MTHFD1: variants seen among roughly 807,000 people sequenced by gnomAD.
MTHFD1 encodes the protein methylenetetrahydrofolate dehydrogenase, cyclohydrolase and formyltetrahydrofolate synthetase 1, also known as C-1-tetrahydrofolate synthase, cytoplasmic.
In MTHFD1, 44 loss-of-function variants were observed where a neutral mutation model predicts 110.3. That is an observed-to-expected ratio of 0.40 (90% CI 0.31 to 0.51). MTHFD1 has a LOEUF of 0.51. Among genes scored for constraint, MTHFD1 ranks in the 20% least tolerant of loss-of-function variants. The pLI is 0.60. For missense variants in MTHFD1, 909 were observed against 1,173.1 expected (o/e 0.77, Z 3.29); for synonymous variants, 402 against 428.8 (o/e 0.94, Z 0.77).
intron 13 of MTHFD1, among the ~76,000 whole-genome samples, 157 bp from the exon 14 acceptor site, chr14:64,431,375 T>G (rs2078158769): frequency 6.6e-6 from 1 of 152,182 alleles, no homozygotes; most frequent in South Asian, 2.1e-4. Flanking sequence ...CAGTCATTTA[T>G]GTTTTCAAGA....
intron 17 of MTHFD1, 78 bp from the exon 18 acceptor site, chr14:64,440,047 TA>T (rs2078235995): frequency 7.4e-7 from 1 of 1,350,502 alleles, no homozygotes; most frequent in East Asian, 2.3e-5. Context: ...GCCTCAGATG[TA>T]AAAGAGGATC....
intron 8 of MTHFD1, among the ~76,000 whole-genome samples, chr14:64,424,446 C>G (rs1423937918): frequency 6.6e-6 from 1 of 152,058 alleles, no homozygotes. Context: ...TTTGTGCACC[C>G]AAAAAATTTC....
At chr14:64,446,789 G>T (rs1057371931) in intron 22 of MTHFD1, among the ~76,000 whole-genome samples, 1 of 152,066 alleles carries the variant, frequency 6.6e-6, no homozygotes, top group Non-Finnish European at 1.5e-5. Flanking sequence ...TGTTCCACCC[G>T]CCTCGGCCTC....
At chr14:64,448,465 T>C (rs934500307) in intron 23 of MTHFD1, 148 bp downstream of exon 23, 25 of 710,730 alleles carry the variant, frequency 3.5e-5, no homozygotes, top group Admixed American at 3.3e-4. Flanking sequence ...AGGCATTGCA[T>C]ACGTCACTGC....
intron 9 of MTHFD1, 125 bp from the exon 10 acceptor site, chr14:64,425,605 C>T: frequency 1.2e-6 from 1 of 823,594 alleles, no homozygotes; most frequent in South Asian, 1.4e-5. Context: ...AGGATTGAAG[C>T]ATGGTAATAA....
intron 2 of MTHFD1, among the ~76,000 whole-genome samples, chr14:64,403,280 A>AT (rs34619335): frequency 0.9 from 134,146 of 148,434 alleles, 60,816 homozygotes; most frequent in Middle Eastern, 0.96. Context: ...CACCCTGCTA[A>AT]TTTTTTTTTT....
chr14:64,415,298 G>A, intron 4 of MTHFD1, 60 bp from the exon 5 acceptor site: 1 of 1,498,738 alleles, frequency 6.7e-7, no homozygotes, highest in Non-Finnish European at 9.3e-7. Context: ...CTTAGAAAGT[G>A]TTTCTTCCTA....
At chr14:64,394,843 T>G (rs1201743154) in intron 1 of MTHFD1, among the ~76,000 whole-genome samples, 1 of 152,198 alleles carries the variant, frequency 6.6e-6, no homozygotes, top group Non-Finnish European at 1.5e-5. Context: ...GAGGCTTTTC[T>G]CATTACAAGC....
At chr14:64,458,434 C>G in intron 27 of MTHFD1, 127 bp downstream of exon 27, 1 of 747,606 alleles carries the variant, frequency 1.3e-6, no homozygotes, top group African/African-American at 1.7e-5. Context: ...TTCAGACTTC[C>G]CTGAGGGGAG....
chr14:64,445,066 A>G (rs1396932992), intron 22 of MTHFD1: 3 of 379,236 alleles, frequency 7.9e-6, no homozygotes, highest in South Asian at 2.2e-5. Context: ...TGCTACTGGA[A>G]TCTAGTGGGT....
At chr14:64,396,785 TA>T (rs1292179527) in intron 1 of MTHFD1, among the ~76,000 whole-genome samples, 1 of 151,378 alleles carries the variant, frequency 6.6e-6, no homozygotes, top group Non-Finnish European at 1.5e-5. Context: ...ACATATTAAA[TA>T]AAACATTTGT....
chr14:64,444,775 C>T, intron 22 of MTHFD1, 41 bp downstream of exon 22: 1 of 1,603,080 alleles, frequency 6.2e-7, no homozygotes, highest in African/African-American at 1.3e-5. Flanking sequence ...TAGAAAGCAC[C>T]ACACCTTGAA....
intron 27 of MTHFD1, among the ~76,000 whole-genome samples, chr14:64,458,968 C>T (rs1439431684): frequency 6.6e-6 from 1 of 152,146 alleles, no homozygotes; most frequent in African/African-American, 2.4e-5. Context: ...ACATGAAAAT[C>T]CTAACATCTT....
chr14:64,459,163 G>C (rs1021029392), intron 27 of MTHFD1, among the ~76,000 whole-genome samples: 1 of 152,150 alleles, frequency 6.6e-6, no homozygotes, highest in Admixed American at 6.6e-5. Context: ...ACGTGCAAGG[G>C]TTTGCCACCC....
At chr14:64,455,086 G>T in intron 26 of MTHFD1, 1 of 586,378 alleles carries the variant, frequency 1.7e-6, no homozygotes, top group Non-Finnish European at 3.1e-6. Context: ...AATCAAGAAT[G>T]ATGCCAGGAC....
Position 64,449,536 on chromosome 14 carries a change from G to A in MTHFD1, c.2371G>A (p.Gly791Arg), listed in dbSNP as rs757007334. ...DAVKCTHWAE[G>R]GKGALALAQA... is the part of the protein sequence containing the mutation. Reference sequence around the variant, plus strand: ...CGTGAAGTGCACTCACTGGGCAGAAGGGGGCAAGGGTGCCTTAGCCCTGGC... The same window carrying A: ...CGTGAAGTGCACTCACTGGGCAGAAAGGGGCAAGGGTGCCTTAGCCCTGGC... The change falls in exon 24 of 28, where the codon GGG (glycine) becomes AGG (arginine). Residue 791 changes from glycine (G) to arginine (R), a missense_variant. Around this residue, in one of 3 missense-constraint regions of MTHFD1, gnomAD observed 482 missense variants for 646.0 expected, o/e 0.75. Coordinates refer to ENST00000652337, the MANE Select transcript of MTHFD1 (RefSeq NM_005956.4). The A allele has an allele frequency of 6.2e-7, 1 of 1,614,182 alleles. No individual in the cohort carries two copies. Among genetic ancestry groups the A allele is most frequent in the Non-Finnish European group, 8.5e-7 (1 of 1,180,004 alleles).
intron 2 of MTHFD1, among the ~76,000 whole-genome samples, chr14:64,402,746 C>T (rs1445853270): frequency 6.6e-6 from 1 of 151,816 alleles, no homozygotes; most frequent in African/African-American, 2.4e-5. Flanking sequence ...GAAGTCGAGG[C>T]TGCAGGGAGT....
chr14:64,441,486 G>T (rs140015984), intron 19 of MTHFD1, 33 bp downstream of exon 19: 1 of 1,605,120 alleles, frequency 6.2e-7, no homozygotes, highest in Non-Finnish European at 8.5e-7. Context: ...TCTTGAATTG[G>T]TTTTGGACAG....
rs1306616176 is a variant in MTHFD1 at position 64,431,653 on chromosome 14, G to A, written c.1419+14G>A. On this transcript the variant is annotated intron_variant, in intron 14 of 27. Transcript: ENST00000652337. Reference sequence around the variant, plus strand: ...CAGACAGACAAGGTAGGATGCCAAAGCCCCATGAACCCCATTGAACAGTTT... The same window carrying A: ...CAGACAGACAAGGTAGGATGCCAAAACCCCATGAACCCCATTGAACAGTTT... 1 of 1,612,044 alleles carries A rather than the reference G, an allele frequency of 6.2e-7. No individual in the cohort carries two copies. The highest frequency in any genetic ancestry group is 1.3e-5 in the African/African-American group (1 of 74,994).
Sources: allele counts gnomAD v4.1 joint callset (sites outside exome capture counted in the v4.1 genomes callset), GRCh38; gene constraint gnomAD v4.1.1; regional missense constraint gnomAD v4.1.1; transcripts MANE v1.5; gene names NCBI Gene and HGNC (gene_info 2026-07-23, HGNC 2026-07-21).